Variants in CAMTA1 observed in about 807,000 individuals in gnomAD.
The protein encoded by CAMTA1 is calmodulin-binding transcription activator 1.
Under a neutral mutation model 170.9 loss-of-function variants are expected in CAMTA1, and 27 were observed. That is an observed-to-expected ratio of 0.16 (90% CI 0.12 to 0.22). CAMTA1 has a LOEUF of 0.22. Among genes scored for constraint, CAMTA1 ranks in the 10% least tolerant of loss-of-function variants. The probability of loss-of-function intolerance (pLI) is 1.00; values close to 1 mark genes in which losing one functional copy is unlikely to be tolerated. For missense variants in CAMTA1, 1,619 were observed against 2,217.2 expected, an observed-to-expected ratio of 0.73 and a Z score of 5.42; for synonymous variants, 833 against 891.5, an observed-to-expected ratio of 0.93 and a Z score of 1.17.
chr1:7,520,920 A>G (rs2094357395), intron 6 of CAMTA1, among the ~76,000 whole-genome samples: 1 of 150,828 alleles, frequency 6.6e-6, no homozygotes, highest in Admixed American at 6.6e-5. Flanking sequence ...TCACACAAAC[A>G]CACACATGCA....
In CAMTA1 at chr1:7,482,497, C is replaced by T. The variant is rs750790977; in HGVS notation, c.510+14596C>T. 2.6e-5 allele frequency among the ~76,000 whole-genome samples: 4 copies of T among 152,190 alleles called. No homozygotes were observed. The highest frequency in any genetic ancestry group is 4.4e-5 in the Non-Finnish European group (3 of 68,034). ...CTCCACGCAGTGTGTCCCCACCTCC[C>T]TCCATCCTCCTGAAGAGGGAGAAGA... On this transcript the variant is annotated intron_variant, in intron 6 of 22. Transcript: ENST00000303635. This position sits in a 1 kb window ranked among gnomAD's most constrained non-coding sequence, Gnocchi z 4.2.
chr1:7,413,763 A>T (rs1245694608), intron 5 of CAMTA1, among the ~76,000 whole-genome samples: 1 of 152,032 alleles, frequency 6.6e-6, no homozygotes, highest in East Asian at 1.9e-4. Context: ...TCTCCTGCCT[A>T]ATTGCCCTGG....
rs1007805789 is a variant in CAMTA1, at chr1:6,887,852, G to T, written c.234+62642G>T. 4.2e-6 allele frequency: 6 copies of T among 1,440,196 alleles called. No homozygotes were observed. 89.2% of individuals were successfully genotyped at this position (1,440,196 alleles called of 1,614,324 possible). A position where few individuals can be genotyped will look rare whatever the true frequency, so the allele number is the denominator to read the frequency against. ...TCAAAACCCCAAATTAATTTGAACCGAATGTTACTAAAAATGAAATAGAAT... is the reference window on the plus strand; with the variant it reads ...TCAAAACCCCAAATTAATTTGAACCTAATGTTACTAAAAATGAAATAGAAT... On this transcript the variant is annotated intron_variant, in intron 3 of 22. Coordinates refer to ENST00000303635, the MANE Select transcript of CAMTA1 (RefSeq NM_015215.4). The surrounding 1 kb of genome is among the most constrained non-coding windows in gnomAD (Gnocchi z 4.1).
intron 16 of CAMTA1, among the ~76,000 whole-genome samples, chr1:7,743,826 T>C (rs1279295902): frequency 6.6e-6 from 1 of 151,450 alleles, no homozygotes; most frequent in East Asian, 1.9e-4. Flanking sequence ...TTTTTTCTTT[T>C]CTTTTCTTTT....
At chr1:7,076,491 G>A (rs1639321435) in intron 3 of CAMTA1, among the ~76,000 whole-genome samples, 1 of 152,152 alleles carries the variant, frequency 6.6e-6, no homozygotes, top group African/African-American at 2.4e-5. Context: ...AAGAGAAGAG[G>A]AATAAGATAT....
At chr1:7,428,543 T>TG (rs1230032769) in intron 5 of CAMTA1, among the ~76,000 whole-genome samples, 1 of 152,158 alleles carries the variant, frequency 6.6e-6, no homozygotes, top group African/African-American at 2.4e-5. Flanking sequence ...CCCGCATAGG[T>TG]GATAGGTCAG....
At chr1:7,480,478 CT>C (rs527922060) in intron 6 of CAMTA1, among the ~76,000 whole-genome samples, 90 of 152,132 alleles carry the variant, frequency 5.9e-4, no homozygotes, top group African/African-American at 2.1e-3. Context: ...TCTTCTCCCC[CT>C]GCTCCTTCCA....
intron 4 of CAMTA1, among the ~76,000 whole-genome samples, chr1:7,148,080 C>T (rs1352918807): frequency 6.6e-6 from 1 of 151,344 alleles, no homozygotes; most frequent in African/African-American, 2.4e-5. Flanking sequence ...CACTCATACA[C>T]CATGCACACA....
At chr1:7,428,433 C>T (rs567998049) in intron 5 of CAMTA1, among the ~76,000 whole-genome samples, 18 of 144,230 alleles carry the variant, frequency 1.2e-4, no homozygotes, top group Non-Finnish European at 1.9e-4. Flanking sequence ...TTACCGAGGG[C>T]CGATCACCAC....
chr1:7,679,352 ACAGT>A (rs775278851), intron 11 of CAMTA1, among the ~76,000 whole-genome samples: 1 of 152,176 alleles, frequency 6.6e-6, no homozygotes, highest in African/African-American at 2.4e-5. Flanking sequence ...GAGCAAAGTC[ACAGT>A]CAGGCAGTGC....
In CAMTA1 at chr1:7,641,227, G is replaced by A. The variant is rs60045250; in HGVS notation, c.664+674G>A. Among the ~76,000 whole-genome samples, 1,822 of 152,260 alleles carry A rather than the reference G, an allele frequency of 0.012. 39 individuals carry two copies. The highest frequency in any genetic ancestry group is 0.041 in the African/African-American group (1,719 of 41,554). ...TCCTGCCCCCTGTTCAGCGGGGCTC[G>A]GGAAAAACAAACATGGGTCTGGGGC... On this transcript the variant is annotated intron_variant, in intron 7 of 22. Coordinates refer to ENST00000303635, the MANE Select transcript of CAMTA1 (RefSeq NM_015215.4). This position sits in a 1 kb window ranked among gnomAD's most constrained non-coding sequence, Gnocchi z 4.5.
intron 5 of CAMTA1, 57 bp from the exon 6 acceptor site, chr1:7,467,773 C>G: frequency 1.9e-3 from 1,989 of 1,025,580 alleles, no homozygotes; most frequent in Non-Finnish European, 2.8e-3. Context: ...GCGCCGTCTT[C>G]CTTCCTTCCT....
intron 1 of CAMTA1, among the ~76,000 whole-genome samples, chr1:6,808,119 A>G (rs907942636): frequency 6.6e-6 from 1 of 151,908 alleles, no homozygotes; most frequent in African/African-American, 2.4e-5. Context: ...TCATGTGCAT[A>G]TGGGTAGGTA....
At chr1:7,486,677 G>A (rs2093622228) in intron 6 of CAMTA1, among the ~76,000 whole-genome samples, 1 of 152,206 alleles carries the variant, frequency 6.6e-6, no homozygotes, top group Non-Finnish European at 1.5e-5. Flanking sequence ...CTCCCTGTCT[G>A]TCCTGTGTCC....
At chr1:7,602,897 C>A (rs1249728178) in intron 6 of CAMTA1, among the ~76,000 whole-genome samples, 1 of 152,154 alleles carries the variant, frequency 6.6e-6, no homozygotes, top group Non-Finnish European at 1.5e-5. Context: ...TTATTTCTGC[C>A]TTCTTTCATT....
At chr1:7,142,300 A>T (rs976321464) in intron 4 of CAMTA1, among the ~76,000 whole-genome samples, 2 of 152,184 alleles carry the variant, frequency 1.3e-5, no homozygotes, top group African/African-American at 4.8e-5. Context: ...CACTCCCTGT[A>T]GCAGGAAAGG....
At chr1:7,706,540 A>C (rs568193828) in intron 11 of CAMTA1, among the ~76,000 whole-genome samples, 16 of 152,324 alleles carry the variant, frequency 1.1e-4, no homozygotes, top group African/African-American at 3.4e-4. Flanking sequence ...TGTGTTTAGA[A>C]AAAAAATAGT....
intron 6 of CAMTA1, among the ~76,000 whole-genome samples, chr1:7,542,879 G>GTGTGTGTGTGTGTGTGTGTGTGTGTGTT (rs1459264062): frequency 7.2e-6 from 1 of 138,172 alleles, no homozygotes; most frequent in Non-Finnish European, 1.5e-5. Flanking sequence ...GTGTGTGTGT[G>GTGTGTGTGTGTGTGTGTGTGTGTGTGTT]TTTGAGCCGG....
intron 6 of CAMTA1, among the ~76,000 whole-genome samples, chr1:7,492,784 CAA>C (rs1378060948): frequency 3.5e-5 from 5 of 144,114 alleles, no homozygotes; most frequent in African/African-American, 7.9e-5. Flanking sequence ...AGTGCACACA[CAA>C]ACACAAACCT....
Sources: gnomAD v4.1 joint callset for allele counts (sites outside exome capture counted in the v4.1 genomes callset) on GRCh38, gnomAD v4.1.1 for gene constraint, Gnocchi (gnomAD v3.1) non-coding constraint, MANE v1.5 for transcripts, NCBI Gene and HGNC (gene_info 2026-07-23, HGNC 2026-07-21) for gene names.